The following STK32B variants were observed in gnomAD, a reference collection of about 807,000 sequenced individuals.
The protein encoded by STK32B is serine/threonine kinase 32B, also known as serine/threonine-protein kinase 32B.
STK32B carries 43 observed loss-of-function variants against 52.6 expected under a neutral mutation model. The ratio of observed to expected loss-of-function variants is 0.82; its 90% CI spans 0.64 to 1.05. The LOEUF is 1.05. STK32B is among the 50% of genes least tolerant of loss of function. STK32B has a pLI of 0.00. For missense variants in STK32B, 621 were observed against 534.6 expected, an observed-to-expected ratio of 1.16 and a Z score of -1.59; for synonymous variants, 238 against 204.3, an observed-to-expected ratio of 1.17 and a Z score of -1.41.
the STK32B span, among the ~76,000 whole-genome samples, chr4:5,024,890 C>T: frequency 1.2e-4 from 19 of 152,224 alleles, no homozygotes; most frequent in African/African-American, 3.4e-4. Flanking sequence ...CACAACAGGC[C>T]CCCAAGGGGA....
intron 1 of STK32B, among the ~76,000 whole-genome samples, chr4:5,070,890 C>T (rs765919455): frequency 3.9e-5 from 6 of 152,120 alleles, no homozygotes; most frequent in Non-Finnish European, 8.8e-5. Flanking sequence ...CACAGAAGGC[C>T]GTCCCACAAG....
chr4:5,121,197 A>G (rs1715006508), intron 1 of STK32B, among the ~76,000 whole-genome samples: 4 of 152,134 alleles, frequency 2.6e-5, no homozygotes, highest in Admixed American at 2.6e-4. Flanking sequence ...CCATTCTTGA[A>G]TTACTTCAAA....
At chr4:5,415,686 C>T (rs1436025760) in intron 5 of STK32B, among the ~76,000 whole-genome samples, 2 of 152,190 alleles carry the variant, frequency 1.3e-5, no homozygotes, top group Non-Finnish European at 2.9e-5. Context: ...TGCATCTCAC[C>T]TAGGATCACT....
chr4:5,134,289 A>C (rs1055269704), intron 1 of STK32B, among the ~76,000 whole-genome samples: 1 of 152,204 alleles, frequency 6.6e-6, no homozygotes, highest in African/African-American at 2.4e-5. Flanking sequence ...GCCTAATAAA[A>C]GGTGATTAGG....
rs540353727 is a variant in STK32B, at chr4:5,279,021, G to A, written c.261-52199G>A. 2.6e-5 allele frequency among the ~76,000 whole-genome samples: 4 copies of A among 152,194 alleles called. No homozygotes were observed. The South Asian group carries it at 8.3e-4, about 32-fold the overall frequency. Reference sequence around the variant, plus strand: ...TACAATTTGACATGAGATTTGGGTGGGGACACAGAGCCAAACCATATCATT... The same window carrying A: ...TACAATTTGACATGAGATTTGGGTGAGGACACAGAGCCAAACCATATCATT... On this transcript the variant is annotated intron_variant, in intron 3 of 11. Transcript: ENST00000282908.
At chr4:5,494,530 G>A (rs533657144) in intron 11 of STK32B, among the ~76,000 whole-genome samples, 7 of 152,156 alleles carry the variant, frequency 4.6e-5, no homozygotes, top group African/African-American at 7.2e-5. Context: ...TCTTTATCCA[G>A]TTTGCCAGTC....
intron 4 of STK32B, among the ~76,000 whole-genome samples, chr4:5,333,029 T>A (rs938558432): frequency 1.3e-5 from 2 of 152,162 alleles, no homozygotes; most frequent in African/African-American, 4.8e-5. Context: ...GATGGCTGGG[T>A]CAAATGGTAT....
chr4:5,188,412 C>T (rs1477079912), intron 3 of STK32B, among the ~76,000 whole-genome samples: 1 of 152,120 alleles, frequency 6.6e-6, no homozygotes, highest in East Asian at 1.9e-4. Context: ...ATGGCAGCTC[C>T]CCATGGTTTC....
intron 3 of STK32B, among the ~76,000 whole-genome samples, chr4:5,247,386 A>T (rs992488445): frequency 1.3e-5 from 2 of 152,204 alleles, no homozygotes; most frequent in Admixed American, 6.5e-5. Flanking sequence ...TGCAGGATAT[A>T]ATCTCCTGGT....
At chr4:5,068,235 G>A (rs1711541119) in intron 1 of STK32B, among the ~76,000 whole-genome samples, 1 of 152,136 alleles carries the variant, frequency 6.6e-6, no homozygotes, top group Non-Finnish European at 1.5e-5. Context: ...CACTGAGGTA[G>A]CATACATTGT....
chr4:5,050,355 T>C (rs763470360), upstream of STK32B, among the ~76,000 whole-genome samples: 8 of 152,192 alleles, frequency 5.3e-5, no homozygotes, highest in Non-Finnish European at 1.2e-4. Context: ...CTCTGGGTCA[T>C]GGTGGGTGGG....
At position 5,263,802 on chromosome 4, in the gene STK32B, T is replaced by A. The variant is rs888535538; in HGVS notation, c.261-67418T>A. Among the ~76,000 whole-genome samples, 19 of 152,312 alleles carry A rather than the reference T, an allele frequency of 1.2e-4. 1 individual carries two copies. In the South Asian group the frequency reaches 3.7e-3, roughly 30 times the overall value. On this transcript the variant is annotated intron_variant, in intron 3 of 11. Coordinates refer to ENST00000282908, the MANE Select transcript of STK32B (RefSeq NM_018401.3). ...GACTATTTCTATCATCCCCCAAATT[T>A]CTCTGATGTAGCCTCCTTGTTAATC...
intron 4 of STK32B, among the ~76,000 whole-genome samples, chr4:5,352,730 G>GATAA (rs35618602): frequency 0.28 from 42,528 of 151,454 alleles, 6,959 homozygotes; most frequent in African/African-American, 0.46. Flanking sequence ...TCTTAGATCT[G>GATAA]ATAAATCGAG....
At chr4:5,215,016 G>A (rs192553662) in intron 3 of STK32B, among the ~76,000 whole-genome samples, 255 of 152,252 alleles carry the variant, frequency 1.7e-3, no homozygotes, top group Non-Finnish European at 2.8e-3. Context: ...TTAAAAAACC[G>A]CACAAAGACA....
intron 4 of STK32B, among the ~76,000 whole-genome samples, chr4:5,376,877 G>A (rs1735622474): frequency 6.6e-6 from 1 of 152,044 alleles, no homozygotes; most frequent in African/African-American, 2.4e-5. Context: ...GCCTGCCCCA[G>A]CCTCCACCTC....
intron 7 of STK32B, among the ~76,000 whole-genome samples, chr4:5,452,007 A>G (rs993995172): frequency 6.6e-6 from 1 of 152,060 alleles, no homozygotes; most frequent in African/African-American, 2.4e-5. Flanking sequence ...CCCTTCAACC[A>G]CTAGAGACAG....
chr4:5,248,367 T>G (rs185270017), intron 3 of STK32B, among the ~76,000 whole-genome samples: 1 of 152,344 alleles, frequency 6.6e-6, no homozygotes, highest in East Asian at 1.9e-4. Flanking sequence ...AGCTCATATG[T>G]TACAAAGAAA....
chr4:5,065,079 C>T (rs2108762044), intron 1 of STK32B, among the ~76,000 whole-genome samples: 1 of 152,060 alleles, frequency 6.6e-6, no homozygotes, highest in East Asian at 1.9e-4. Context: ...AATTGGACCT[C>T]TTACTTAGCT....
intron 3 of STK32B, among the ~76,000 whole-genome samples, chr4:5,288,465 G>A (rs73087500): frequency 0.11 from 16,720 of 152,120 alleles, 2,538 homozygotes; most frequent in African/African-American, 0.34. Flanking sequence ...GTGGTTTCGT[G>A]TTAAATGTCC....
Sources: allele counts gnomAD v4.1 joint callset (sites outside exome capture counted in the v4.1 genomes callset), GRCh38; gene constraint gnomAD v4.1.1; transcripts MANE v1.5; gene names NCBI Gene and HGNC (gene_info 2026-07-23, HGNC 2026-07-21).